The following RTL4 variants were observed in gnomAD, a reference collection of about 807,000 sequenced individuals.
The protein encoded by RTL4 is retrotransposon Gag-like protein 4.
Under a neutral mutation model 5.3 loss-of-function variants are expected in RTL4, and 4 were observed. The ratio of observed to expected loss-of-function variants is 0.75; its 90% CI spans 0.37 to 1.72. RTL4 has a LOEUF of 1.72. Among genes scored for constraint, RTL4 ranks in the 40% most tolerant of loss-of-function variants. RTL4 has a pLI of 0.04. For missense variants in RTL4, 260 were observed against 227.1 expected, an observed-to-expected ratio of 1.14 and a Z score of -0.93; for synonymous variants, 98 against 87.3, an observed-to-expected ratio of 1.12 and a Z score of -0.68.
chrX:112,350,743 T>C, the RTL4 span, among the ~76,000 whole-genome samples: 1 of 111,436 alleles, frequency 9.0e-6, no homozygotes, highest in Non-Finnish European at 1.9e-5. Flanking sequence ...TGCGTCTATG[T>C]GATTCTTCTC....
the RTL4 span, among the ~76,000 whole-genome samples, chrX:112,360,883 A>G: frequency 9.0e-6 from 1 of 111,175 alleles, no homozygotes; most frequent in African/African-American, 3.3e-5. Context: ...ATCGTATGTC[A>G]TATTCCAAGG....
the RTL4 span, among the ~76,000 whole-genome samples, chrX:112,330,286 T>C: frequency 9.3e-6 from 1 of 106,986 alleles, no homozygotes; most frequent in Non-Finnish European, 1.9e-5. Flanking sequence ...AAAATCTCCT[T>C]AGGCTGATAA....
the RTL4 span, among the ~76,000 whole-genome samples, chrX:112,437,802 ATGG>A: frequency 0.1 from 7,889 of 76,720 alleles, 441 homozygotes; most frequent in Non-Finnish European, 0.12. Context: ...GGTGGTGGTG[ATGG>A]TGGTGGTGGT....
the RTL4 span, among the ~76,000 whole-genome samples, chrX:112,097,284 T>C: frequency 9.0e-6 from 1 of 111,472 alleles, no homozygotes; most frequent in Non-Finnish European, 1.9e-5. Flanking sequence ...CATGGTAATT[T>C]ATTTAAAAAT....
At chrX:112,100,096 A>G in the RTL4 span, among the ~76,000 whole-genome samples, 1 of 111,878 alleles carries the variant, frequency 8.9e-6, no homozygotes, top group African/African-American at 3.2e-5. Flanking sequence ...CTGGGCTTCA[A>G]GAAGAAAACC....
the RTL4 span, among the ~76,000 whole-genome samples, chrX:112,111,098 G>A: frequency 9.0e-6 from 1 of 111,540 alleles, no homozygotes; most frequent in Non-Finnish European, 1.9e-5. Flanking sequence ...TAAAGGAATA[G>A]GATACACTGT....
chrX:112,359,250 G>C, the RTL4 span, among the ~76,000 whole-genome samples: 1,038 of 111,235 alleles, frequency 9.3e-3, 16 homozygotes, highest in African/African-American at 0.032. Flanking sequence ...GATAAATGGG[G>C]TATCCATCAT....
At chrX:112,431,797 G>C in the RTL4 span, among the ~76,000 whole-genome samples, 1 of 106,561 alleles carries the variant, frequency 9.4e-6, no homozygotes, top group East Asian at 3.1e-4. Context: ...AGTTACATTT[G>C]TATACATGTG....
At chrX:112,087,473 T>C in the RTL4 span, among the ~76,000 whole-genome samples, 3 of 110,941 alleles carry the variant, frequency 2.7e-5, no homozygotes, top group Non-Finnish European at 3.8e-5. Flanking sequence ...GATCATGTTT[T>C]ATAAAATCTA....
At chrX:112,224,835 A>G in the RTL4 span, among the ~76,000 whole-genome samples, 8 of 111,742 alleles carry the variant, frequency 7.2e-5, no homozygotes, top group African/African-American at 2.6e-4. Flanking sequence ...CTTTATTTTT[A>G]TGAAGCAGGT....
chrX:112,237,292 T>A, the RTL4 span, among the ~76,000 whole-genome samples: 2 of 112,033 alleles, frequency 1.8e-5, no homozygotes, highest in South Asian at 7.5e-4. Flanking sequence ...GTGTGGTTTG[T>A]TGAGGGGGTA....
At chrX:112,231,855 G>A in the RTL4 span, among the ~76,000 whole-genome samples, 7 of 111,614 alleles carry the variant, frequency 6.3e-5, no homozygotes, top group Non-Finnish European at 1.1e-4. Context: ...GGATTATGTG[G>A]CTTGTCTGAA....
At chrX:112,088,694 A>G in the RTL4 span, among the ~76,000 whole-genome samples, 1 of 112,268 alleles carries the variant, frequency 8.9e-6, no homozygotes, top group Non-Finnish European at 1.9e-5. Context: ...CAAGGGTTCC[A>G]GTTTCTCCAC....
chrX:112,396,723 G>A, the RTL4 span, among the ~76,000 whole-genome samples: 3 of 110,361 alleles, frequency 2.7e-5, no homozygotes, highest in South Asian at 3.9e-4. Flanking sequence ...TTTTCAGATC[G>A]CCTTTGTTTT....
At chrX:112,105,340 C>T in the RTL4 span, among the ~76,000 whole-genome samples, 1 of 111,287 alleles carries the variant, frequency 9.0e-6, no homozygotes, top group Non-Finnish European at 1.9e-5. Context: ...TAGCTTTGTT[C>T]TTTTGCTCAA....
At chrX:112,240,446 T>C in the RTL4 span, among the ~76,000 whole-genome samples, 1 of 112,066 alleles carries the variant, frequency 8.9e-6, no homozygotes, top group African/African-American at 3.2e-5. Context: ...CTAGTCTGAC[T>C]TAAATGTGCT....
chrX:112,256,651 T>C, the RTL4 span, among the ~76,000 whole-genome samples: 1 of 112,155 alleles, frequency 8.9e-6, no homozygotes, highest in Non-Finnish European at 1.9e-5. Context: ...ATATACCACA[T>C]GAACACTTAC....
chrX:112,226,723 G>A, the RTL4 span, among the ~76,000 whole-genome samples: 9 of 69,575 alleles, frequency 1.3e-4, no homozygotes, highest in Admixed American at 1.2e-3. Flanking sequence ...CATGTATTTG[G>A]CCTACACCAG....
At chrX:112,265,753 C>T in the RTL4 span, among the ~76,000 whole-genome samples, 1 of 109,132 alleles carries the variant, frequency 9.2e-6, no homozygotes, top group Non-Finnish European at 1.9e-5. Context: ...CTTCTCTCCC[C>T]CTCCCTTTTC....
Sources: allele counts gnomAD v4.1 joint callset (sites outside exome capture counted in the v4.1 genomes callset), GRCh38; gene constraint gnomAD v4.1.1; transcripts MANE v1.5; gene names NCBI Gene and HGNC (gene_info 2026-07-23, HGNC 2026-07-21).